Variants in MAFK observed in about 807,000 individuals in gnomAD.
MAFK encodes the protein MAF bZIP transcription factor K, also known as transcription factor MafK.
Under a neutral mutation model 9.2 loss-of-function variants are expected in MAFK, and 1 was observed. That is an observed-to-expected ratio of 0.11 (90% confidence interval 0.04 to 0.52). MAFK has a LOEUF of 0.52. Ranked by LOEUF, MAFK falls within the 20% of genes least tolerant of loss-of-function variation. MAFK has a pLI of 0.94. For missense variants in MAFK, 207 were observed against 236.0 expected, an observed-to-expected ratio of 0.88 and a Z score of 0.81; for synonymous variants, 110 against 107.4, an observed-to-expected ratio of 1.02 and a Z score of -0.15.
intron 1 of MAFK, among the ~76,000 whole-genome samples, chr7:1,531,489 C>G (rs945738120): frequency 6.6e-6 from 1 of 152,150 alleles, no homozygotes; most frequent in African/African-American, 2.4e-5. Context: ...GGACTGGTGT[C>G]GCTCTCAGCC....
chr7:1,536,478 T>G (rs1235738188), intron 1 of MAFK, among the ~76,000 whole-genome samples: 1 of 152,206 alleles, frequency 6.6e-6, no homozygotes, highest in Non-Finnish European at 1.5e-5. Context: ...TCCCCCTGGA[T>G]GACACCCTAA....
chr7:1,535,377 G>T (rs190217564), intron 1 of MAFK, among the ~76,000 whole-genome samples: 1 of 152,270 alleles, frequency 6.6e-6, no homozygotes, highest in East Asian at 1.9e-4. Context: ...AAAAATGGCC[G>T]GGCATGGTGG....
chr7:1,538,351 A>G (rs1784088659), intron 1 of MAFK: 2 of 984,348 alleles, frequency 2.0e-6, no homozygotes, highest in Non-Finnish European at 2.4e-6. Flanking sequence ...CGGCCCCCGG[A>G]CCTGCCGCCC....
chr7:1,540,091 G>A lies in MAFK; in HGVS notation c.187G>A (p.Gly63Ser), dbSNP rs1328709271. ...GCGTCGGCGCACACTCAAGAACCGCGGCTACGCGGCCAGCTGCCGCATCAA... is the reference window on the plus strand; with the variant it reads ...GCGTCGGCGCACACTCAAGAACCGCAGCTACGCGGCCAGCTGCCGCATCAA... Reference protein sequence around the residue: ...KQRRRTLKNRGYAASCRIKRV... With the variant: ...KQRRRTLKNRSYAASCRIKRV... Residue 63 changes from glycine to serine, a missense_variant, in exon 3 of 3, where the codon GGC becomes AGC. Gly to Ser is a moderately conservative substitution (Grantham distance 56). Coordinates refer to ENST00000343242, the MANE Select transcript of MAFK (RefSeq NM_002360.4). 6 of 1,567,034 alleles carry A rather than the reference G, an allele frequency of 3.8e-6. No individual in the cohort carries two copies. Among genetic ancestry groups the A allele is most frequent in the Non-Finnish European group, 5.2e-6 (6 of 1,155,956 alleles).
At chr7:1,539,911 C>A in intron 2 of MAFK, 30 bp from the exon 3 acceptor site, 1 of 1,480,542 alleles carries the variant, frequency 6.8e-7, no homozygotes, top group Non-Finnish European at 9.0e-7. Flanking sequence ...CACGTTCTCC[C>A]GCCGCTGACC....
rs550432436 is a variant in MAFK, at chr7:1,535,163, C to T, written c.-44-3986C>T. Among the ~76,000 whole-genome samples, 40 of 144,174 alleles carry T rather than the reference C, an allele frequency of 2.8e-4. No homozygotes were observed. In the South Asian group the frequency reaches 7.6e-3, roughly 27 times the overall value. 94.6% of individuals were successfully genotyped at this position (144,174 alleles called of 152,430 possible). A position where few individuals can be genotyped will look rare whatever the true frequency, so the allele number is the denominator to read the frequency against. On this transcript the variant is annotated intron_variant, in intron 1 of 2. Coordinates refer to ENST00000343242, the MANE Select transcript of MAFK (RefSeq NM_002360.4). ...CCTGAAACTACTGGGCTCGAGCATT[C>T]GGCCTCCGGAGGCGTTGCTATTACA...
At position 1,542,312 on chromosome 7, in the gene MAFK, A is replaced by G. The variant is rs1784211646; in HGVS notation, c.*1937A>G. 1 of 152,646 alleles carries G rather than the reference A, an allele frequency of 6.6e-6. No homozygotes were observed. The highest frequency in any genetic ancestry group is 2.4e-5 in the African/African-American group (1 of 41,470). 9.5% of individuals were successfully genotyped at this position (152,646 alleles called of 1,614,324 possible). On this transcript the variant is annotated 3_prime_UTR_variant, in exon 3 of 3. Coordinates refer to ENST00000343242, the MANE Select transcript of MAFK (RefSeq NM_002360.4). ...TTTCTTTTCCAGTTTGATACTGTAA[A>G]TCTATCAGAGCAGAGCCGGGGGCAC...
chr7:1,531,825 A>C (rs1783914517), intron 1 of MAFK, among the ~76,000 whole-genome samples: 1 of 151,760 alleles, frequency 6.6e-6, no homozygotes, highest in Non-Finnish European at 1.5e-5. Context: ...CCTGCACTGC[A>C]TTCTCGCGCT....
chr7:1,534,535 G>A lies in MAFK; in HGVS notation c.-45+3637G>A, dbSNP rs750848376. 14 of 454,986 alleles carry A rather than the reference G, an allele frequency of 3.1e-5. No individual in the cohort carries two copies. The highest frequency in any genetic ancestry group is 3.3e-4 in the Middle Eastern group (1 of 3,064). 28.2% of individuals were successfully genotyped at this position (454,986 alleles called of 1,614,324 possible). A position where few individuals can be genotyped will look rare whatever the true frequency, so the allele number is the denominator to read the frequency against. ...CTGGGTTTCTGAACCCGTGTCTCTCGCACAGAGCTCCCGTCCTCCGTTCCT... is the reference window on the plus strand; with the variant it reads ...CTGGGTTTCTGAACCCGTGTCTCTCACACAGAGCTCCCGTCCTCCGTTCCT... On this transcript the variant is annotated intron_variant, in intron 1 of 2. Transcript: ENST00000343242. This position sits in a 1 kb window ranked among gnomAD's most constrained non-coding sequence, Gnocchi z 4.3.
Position 1,540,336 on chromosome 7 carries a change from G to T in MAFK, c.432G>T (p.Glu144Asp), listed in dbSNP as rs1178916724. Residue 144 changes from glutamate to aspartate, a missense_variant, in exon 3 of 3, where the codon GAG (glutamate) becomes GAT (aspartate). Glu to Asp is a conservative substitution (Grantham distance 45). Transcript: ENST00000343242. Reference protein sequence around the residue: ...TSVITIVKSTELSSTSVPFSA... With the variant: ...TSVITIVKSTDLSSTSVPFSA... Reference sequence around the variant, plus strand: ...TCATCACCATCGTCAAGTCCACCGAGCTCTCCTCCACCTCCGTGCCCTTCT... The same window carrying T: ...TCATCACCATCGTCAAGTCCACCGATCTCTCCTCCACCTCCGTGCCCTTCT... 7 of 1,607,186 alleles carry T rather than the reference G, an allele frequency of 4.4e-6. No homozygotes were observed. The highest frequency in any genetic ancestry group is 5.9e-6 in the Non-Finnish European group (7 of 1,176,978).
At position 1,540,013 on chromosome 7, in the gene MAFK, C is replaced by T; in HGVS notation, c.109C>T (p.Leu37=). The T allele has an allele frequency of 1.3e-6, 2 of 1,558,774 alleles. No homozygotes were observed. Among genetic ancestry groups the T allele is most frequent in the Middle Eastern group, 1.7e-4 (1 of 5,994 alleles). The change falls in exon 3 of 3, where the codon CTG becomes TTG. Residue 37 remains leucine, a synonymous_variant. Transcript: ENST00000343242. ...DELVSMSVRE[L]NQHLRGLTKE... ...GCTGGTGTCCATGTCGGTGCGGGAG[C>T]TGAACCAGCACCTGCGGGGTCTCAC...
Position 1,533,437 on chromosome 7 carries a change from C to T in MAFK, c.-45+2539C>T, listed in dbSNP as rs10261183. Among the ~76,000 whole-genome samples the T allele has an allele frequency of 1.1e-3, 173 of 152,242 alleles. 1 individual carries two copies. Among genetic ancestry groups the T allele is most frequent in the African/African-American group, 3.8e-3 (159 of 41,544 alleles). Reference sequence around the variant, plus strand: ...CCTTGGTAGAGGGTGCTTGCCTACGCGAGGAGGAGAGCAGTGGGGAGTGTT... The same window carrying T: ...CCTTGGTAGAGGGTGCTTGCCTACGTGAGGAGGAGAGCAGTGGGGAGTGTT... On this transcript the variant is annotated intron_variant, in intron 1 of 2. Coordinates refer to ENST00000343242, the MANE Select transcript of MAFK (RefSeq NM_002360.4).
chr7:1,539,134 G>C lies in MAFK; in HGVS notation c.-44-15G>C. On this transcript the variant is annotated splice_polypyrimidine_tract_variant and intron_variant, in intron 1 of 2. Transcript: ENST00000343242. ...CTGACCTGTGCTGGCTTCTCTGCTT[G>C]TCCATGTTTTCCAGCTACGAGTTCC... 6.2e-7 allele frequency: 1 copy of C among 1,610,004 alleles called. No individual in the cohort carries two copies.
At chr7:1,537,390 C>G in intron 1 of MAFK, 1 of 985,518 alleles carries the variant, frequency 1.0e-6, no homozygotes, top group African/African-American at 1.7e-5. Context: ...CGTGGCCGGC[C>G]TGTGCACTGA....
At position 1,541,093 on chromosome 7, in the gene MAFK, G is replaced by A; in HGVS notation, c.*718G>A. On this transcript the variant is annotated 3_prime_UTR_variant, in exon 3 of 3. Transcript: ENST00000343242. ...GTGTTCACTGGGGGAGGGCCTGTGG[G>A]CACACATGGCAGAGAGAGTGGCTCA... The A allele has an allele frequency of 6.5e-6, 1 of 153,330 alleles. No individual in the cohort carries two copies. Among genetic ancestry groups the A allele is most frequent in the Non-Finnish European group, 1.5e-5 (1 of 68,418 alleles). 9.5% of individuals were successfully genotyped at this position (153,330 alleles called of 1,614,324 possible).
At chr7:1,539,264 C>A in intron 2 of MAFK, 36 bp downstream of exon 2, 1 of 1,576,756 alleles carries the variant, frequency 6.3e-7, no homozygotes, top group Non-Finnish European at 8.7e-7. Context: ...GTCTCAAGCA[C>A]AGGCGTGGGA....
chr7:1,531,592 G>A (rs1017598522), intron 1 of MAFK, among the ~76,000 whole-genome samples: 3 of 152,226 alleles, frequency 2.0e-5, no homozygotes, highest in African/African-American at 7.2e-5. Context: ...TTGCTCACGT[G>A]TGGGGCAGGG....
In MAFK at chr7:1,532,076, G is replaced by A. The variant is rs967200277; in HGVS notation, c.-45+1178G>A. 2.2e-4 allele frequency among the ~76,000 whole-genome samples: 34 copies of A among 152,350 alleles called. 1 individual carries two copies. The highest frequency in any genetic ancestry group is 7.7e-4 in the African/African-American group (32 of 41,588). ...CCCACCGCCCCCCATCGTGGTCTAG[G>A]GGATATCTGTGTGGTTCGGCTCTGG... On this transcript the variant is annotated intron_variant, in intron 1 of 2. Transcript: ENST00000343242. The surrounding 1 kb of genome is among the most constrained non-coding windows in gnomAD (Gnocchi z 4.5).
chr7:1,537,545 C>T (rs764256910), intron 1 of MAFK: 3 of 985,500 alleles, frequency 3.0e-6, no homozygotes, highest in East Asian at 1.1e-4. Context: ...CTGTCACCCT[C>T]ACCCCAGGAC....
Sources: gnomAD v4.1 joint callset for allele counts (sites outside exome capture counted in the v4.1 genomes callset) on GRCh38, gnomAD v4.1.1 for gene constraint, Gnocchi (gnomAD v3.1) non-coding constraint, MANE v1.5 for transcripts, NCBI Gene and HGNC (gene_info 2026-07-23, HGNC 2026-07-21) for gene names.